Variants in RNF213 observed in about 807,000 individuals in gnomAD.
RNF213 encodes E3 ubiquitin-protein ligase RNF213.
RNF213 carries 341 observed loss-of-function variants against 514.4 expected under a neutral mutation model. The observed-to-expected ratio is 0.66, with a 90% confidence interval of 0.61 to 0.73. The LOEUF (loss-of-function observed/expected upper bound fraction) is 0.73. RNF213 is among the 30% of genes least tolerant of loss of function. The pLI is 0.00. For missense variants in RNF213, 5,767 were observed against 6,615.6 expected (o/e 0.87, Z 4.45); for synonymous variants, 2,655 against 2,658.2 (o/e 1.00, Z 0.04).
At chr17:80,348,417 C>T in intron 29 of RNF213, 131 bp downstream of exon 29, 5 of 1,307,898 alleles carry the variant, frequency 3.8e-6, no homozygotes, top group South Asian at 2.4e-5. Context: ...ACGCTGAGCT[C>T]TCCTCCGCGG....
At chr17:80,365,059 T>A (rs1207513549) in intron 42 of RNF213, 1 of 203,928 alleles carries the variant, frequency 4.9e-6, no homozygotes, top group African/African-American at 2.3e-5. Flanking sequence ...TGTGGGGTGG[T>A]CTGCAGAAAG....
Position 80,295,631 on chromosome 17 carries a change from G to A in RNF213, c.1830G>A (p.Leu610=), listed in dbSNP as rs955291165. 1 of 1,614,104 alleles carries A rather than the reference G, an allele frequency of 6.2e-7. No individual in the cohort carries two copies. Among genetic ancestry groups the A allele is most frequent in the Non-Finnish European group, 8.5e-7 (1 of 1,180,002 alleles). Residue 610 remains leucine (L), a synonymous_variant, in exon 10 of 68, where the codon TTG becomes TTA. Transcript: ENST00000582970. ...PLPDGKSTDF[L]PVDCPVRSKL... is the part of the protein sequence containing the mutation. ...CGGACGGAAAAAGCACGGACTTTTT[G>A]CCTGTGGACTGCCCAGTGAGGAGTA...
At position 80,389,283 on chromosome 17, in the gene RNF213, A is replaced by G; in HGVS notation, c.15111A>G (p.Thr5037=). 2 of 1,614,254 alleles carry G rather than the reference A, an allele frequency of 1.2e-6. No individual in the cohort carries two copies. Among genetic ancestry groups the G allele is most frequent in the Non-Finnish European group, 1.7e-6 (2 of 1,180,040 alleles). Residue 5037 remains threonine (T), a synonymous_variant, in exon 65 of 68, where the codon ACA becomes ACG. Coordinates refer to ENST00000582970, the MANE Select transcript of RNF213 (RefSeq NM_001256071.3). ...AAGTCACTCTGGGGTTTCTGAGCAC[A>G]GCTGGTGGGGATCCAAACATGCAGC... ...VVEVTLGFLS[T]AGGDPNMQLN...
intron 17 of RNF213, chr17:80,319,601 C>A: frequency 6.4e-7 from 1 of 1,553,560 alleles, no homozygotes. Context: ...GCAGGCCGTT[C>A]CTCAGATGGC....
chr17:80,344,802 T>C lies in RNF213; in HGVS notation c.6467T>C (p.Leu2156Pro). 6.2e-7 allele frequency: 1 copy of C among 1,614,194 alleles called. No individual in the cohort carries two copies. The highest frequency in any genetic ancestry group is 1.1e-5 in the South Asian group (1 of 91,082). Reference protein sequence around the residue: ...LRSDTEPGMDLWEFCSETFQR... With the variant: ...LRSDTEPGMDPWEFCSETFQR... The stretch of plus-strand genomic sequence containing the variant: ...AGTGACACAGAGCCTGGGATGGATC[T>C]GTGGGAGTTCTGCAGCGAAACTTTC... The change falls in exon 29 of 68, where the codon CTG becomes CCG. Residue 2156 changes from leucine to proline, a missense_variant. By Grantham distance (98) the Leu-to-Pro change is moderately conservative. Transcript: ENST00000582970.
At chr17:80,285,566 C>T (rs566984503) in intron 3 of RNF213, among the ~76,000 whole-genome samples, 26 of 152,320 alleles carry the variant, frequency 1.7e-4, no homozygotes, top group African/African-American at 5.3e-4. Context: ...GCAGGTCCCC[C>T]GGCAGCTGAC....
At chr17:80,281,418 ACCC>A (rs1362270106) in intron 3 of RNF213, among the ~76,000 whole-genome samples, 1 of 86,112 alleles carries the variant, frequency 1.2e-5, no homozygotes, top group African/African-American at 4.6e-5. Context: ...CAAGACAAAC[ACCC>A]CATTCACACC....
Position 80,288,550 on chromosome 17 carries a change from G to A in RNF213, c.811-83G>A, listed in dbSNP as rs2044560474. 6.2e-7 allele frequency: 1 copy of A among 1,612,668 alleles called. No homozygotes were observed. Among genetic ancestry groups the A allele is most frequent in the Non-Finnish European group, 8.5e-7 (1 of 1,179,458 alleles). Reference sequence around the variant, plus strand: ...AGCCCACCCTGTCCCTCGGCTTGTGGCAGATGCTGCCCCTTAAACCATTGA... The same window carrying A: ...AGCCCACCCTGTCCCTCGGCTTGTGACAGATGCTGCCCCTTAAACCATTGA... On this transcript the variant is annotated intron_variant, in intron 4 of 67. Coordinates refer to ENST00000582970, the MANE Select transcript of RNF213 (RefSeq NM_001256071.3). The surrounding 1 kb of genome is among the most constrained non-coding windows in gnomAD (Gnocchi z 4.9).
At chr17:80,308,780 G>C (rs910928187) in intron 13 of RNF213, among the ~76,000 whole-genome samples, 7 of 152,054 alleles carry the variant, frequency 4.6e-5, no homozygotes, top group African/African-American at 1.4e-4. Context: ...GGAGTGTTTG[G>C]ACTTGCTTTG....
chr17:80,261,599 G>A (rs2043424835), intron 1 of RNF213, among the ~76,000 whole-genome samples: 1 of 152,230 alleles, frequency 6.6e-6, no homozygotes, highest in East Asian at 1.9e-4. Flanking sequence ...CTTTGATTTG[G>A]GTGGCAGTGT....
intron 2 of RNF213, among the ~76,000 whole-genome samples, chr17:80,270,300 C>G (rs577462525): frequency 1.3e-5 from 2 of 152,358 alleles, no homozygotes; most frequent in South Asian, 4.1e-4. Flanking sequence ...TTTGCCGTGA[C>G]ATAGGCTGCT....
In RNF213 at chr17:80,309,010, CG is replaced by C; in HGVS notation, c.2502-4del. 1 of 1,613,746 alleles carries C rather than the reference CG, an allele frequency of 6.2e-7. No homozygotes were observed. The highest frequency in any genetic ancestry group is 1.1e-5 in the South Asian group (1 of 91,058). ...TGCCGGGATTTCTCTTAACTCTTTG[CG>C]GGGCAGGATTCCCGAGGAGGCCTTG... On this transcript the variant is annotated splice_region_variant and splice_polypyrimidine_tract_variant and intron_variant, in intron 13 of 67. Transcript: ENST00000582970.
intron 41 of RNF213, 69 bp from the exon 42 acceptor site, chr17:80,364,364 T>G (rs2079173738): frequency 6.2e-7 from 1 of 1,610,426 alleles, no homozygotes; most frequent in East Asian, 2.2e-5. Flanking sequence ...CCCGTCTCCC[T>G]CCTCGTTTCA....
chr17:80,386,150 G>A, intron 61 of RNF213, 100 bp from the exon 62 acceptor site: 1 of 1,165,430 alleles, frequency 8.6e-7, no homozygotes, highest in Non-Finnish European at 1.3e-6. Context: ...GCTCCCGGCT[G>A]TGTGTGGAGC....
In RNF213 at chr17:80,383,902, C is replaced by T. The variant is rs1337062606; in HGVS notation, c.14296C>T (p.Pro4766Ser). ...ACAGAAAAATGGCAAAGAAAGAGTG[C>T]CCATCCTCTGGCATTTCCTGCAGAA... ...VEQKNGKERVPILWHFLQKEA... is the reference protein window; with the variant it reads ...VEQKNGKERVSILWHFLQKEA... The change falls in exon 59 of 68, where the codon CCC becomes TCC. Residue 4766 changes from proline to serine, a missense_variant. Coordinates refer to ENST00000582970, the MANE Select transcript of RNF213 (RefSeq NM_001256071.3). 1.9e-6 allele frequency: 3 copies of T among 1,614,016 alleles called. No individual in the cohort carries two copies. Among genetic ancestry groups the T allele is most frequent in the Non-Finnish European group, 2.5e-6 (3 of 1,180,048 alleles).
rs1479352877 is a variant in RNF213, at chr17:80,315,289, T to A, written c.2812-1899T>A. 9.8e-5 allele frequency among the ~76,000 whole-genome samples: 6 copies of A among 61,056 alleles called. 2 individuals are homozygous for A. Among genetic ancestry groups the A allele is most frequent in the Admixed American group, 4.6e-4 (3 of 6,478 alleles). 40.1% of individuals were successfully genotyped at this position (61,056 alleles called of 152,430 possible). A position where few individuals can be genotyped will look rare whatever the true frequency, so the allele number is the denominator to read the frequency against. On this transcript the variant is annotated intron_variant, in intron 15 of 67. Coordinates refer to ENST00000582970, the MANE Select transcript of RNF213 (RefSeq NM_001256071.3). ...GAGGTAATGGAGGTGATGGTGGTGG[T>A]GGTGGTGGAGGTAATGGAGGTGATG...
intron 14 of RNF213, 69 bp from the exon 15 acceptor site, chr17:80,312,943 T>G (rs201281529): frequency 1.3e-6 from 2 of 1,574,566 alleles, no homozygotes; most frequent in Non-Finnish European, 1.7e-6. Context: ...GAGGAGGGGG[T>G]GCAGCATCTC....
chr17:80,295,036 T>G, intron 9 of RNF213, 33 bp downstream of exon 9: 2 of 1,612,656 alleles, frequency 1.2e-6, no homozygotes, highest in Non-Finnish European at 1.7e-6. Context: ...CTCTACCTGC[T>G]GGGCAGGAGC....
chr17:80,343,477 T>G lies in RNF213; in HGVS notation c.6183+152T>G. The G allele has an allele frequency of 1.3e-6, 1 of 798,858 alleles. No individual in the cohort carries two copies. The highest frequency in any genetic ancestry group is 2.1e-6 in the Non-Finnish European group (1 of 479,816). 49.5% of individuals were successfully genotyped at this position (798,858 alleles called of 1,614,324 possible). A position where few individuals can be genotyped will look rare whatever the true frequency, so the allele number is the denominator to read the frequency against. The stretch of plus-strand genomic sequence containing the variant: ...TGGGAATGTGCTCTGAGAAGTGTGT[T>G]GTCAGGCAGTTTCCTCCTTGTGTGA... On this transcript the variant is annotated intron_variant, in intron 27 of 67. Transcript: ENST00000582970. The surrounding 1 kb of genome is among the most constrained non-coding windows in gnomAD (Gnocchi z 4.3).
Sources: allele counts gnomAD v4.1 joint callset (sites outside exome capture counted in the v4.1 genomes callset), GRCh38; gene constraint gnomAD v4.1.1; non-coding constraint Gnocchi (gnomAD v3.1); transcripts MANE v1.5; gene names NCBI Gene and HGNC (gene_info 2026-07-23, HGNC 2026-07-21).